The following PDCD4 variants were observed in gnomAD, a reference collection of about 807,000 sequenced individuals.
PDCD4 encodes the protein programmed cell death 4, also known as programmed cell death protein 4.
Under a neutral mutation model 54.0 loss-of-function variants are expected in PDCD4, and 56 were observed. That is an observed-to-expected ratio of 1.04 (90% confidence interval 0.84 to 1.30). The LOEUF (loss-of-function observed/expected upper bound fraction) is 1.30. PDCD4 is among the 50% of genes most tolerant of loss of function. PDCD4 has a pLI of 0.00. For missense variants in PDCD4, 584 were observed against 559.8 expected, an observed-to-expected ratio of 1.04 and a Z score of -0.44; for synonymous variants, 186 against 194.8, an observed-to-expected ratio of 0.95 and a Z score of 0.37.
At chr10:110,877,890 A>G (rs1293703524) in intron 2 of PDCD4, among the ~76,000 whole-genome samples, 15 of 152,292 alleles carry the variant, frequency 9.8e-5, no homozygotes, top group Non-Finnish European at 1.6e-4. Flanking sequence ...ATTTAGTGAG[A>G]TATTGTATAT....
chr10:110,879,184 C>T (rs548332195), intron 2 of PDCD4, among the ~76,000 whole-genome samples: 4 of 152,286 alleles, frequency 2.6e-5, no homozygotes, highest in African/African-American at 9.6e-5. Flanking sequence ...ATTTTCTTAG[C>T]GGTTTCCTAC....
At chr10:110,893,061 A>G (rs1409823651) in intron 8 of PDCD4, among the ~76,000 whole-genome samples, 3 of 152,086 alleles carry the variant, frequency 2.0e-5, no homozygotes, top group African/African-American at 7.2e-5. Flanking sequence ...GGTGTGTAGT[A>G]GGCTATACCA....
At chr10:110,888,774 C>T (rs1375224465) in intron 6 of PDCD4, among the ~76,000 whole-genome samples, 1 of 151,920 alleles carries the variant, frequency 6.6e-6, no homozygotes, top group Non-Finnish European at 1.5e-5. Context: ...ATGTGTATAC[C>T]ATTTAACCAT....
At chr10:110,877,448 T>C (rs1442054451) in intron 2 of PDCD4, among the ~76,000 whole-genome samples, 2 of 152,252 alleles carry the variant, frequency 1.3e-5, no homozygotes, top group Admixed American at 6.5e-5. Context: ...TAATTTGTTA[T>C]ATTGCTTGCA....
intron 2 of PDCD4, among the ~76,000 whole-genome samples, chr10:110,879,928 A>G (rs1418901069): frequency 6.6e-6 from 1 of 152,236 alleles, no homozygotes; most frequent in Admixed American, 6.5e-5. Flanking sequence ...TTTGGTTTCA[A>G]CATGTCTTAA....
chr10:110,881,360 C>T lies in PDCD4; in HGVS notation c.171C>T (p.Ala57=). 1 of 1,614,052 alleles carries T rather than the reference C, an allele frequency of 6.2e-7. No homozygotes were observed. The highest frequency in any genetic ancestry group is 8.5e-7 in the Non-Finnish European group (1 of 1,180,004). The change falls in exon 3 of 12, where the codon GCC becomes GCT. Residue 57 remains alanine (A), a synonymous_variant. Coordinates refer to ENST00000280154, the MANE Select transcript of PDCD4 (RefSeq NM_014456.5). The part of the protein sequence containing the change: ...ASSINEARIN[A]KAKRRLRKNS... Reference sequence around the variant, plus strand: ...CCATTAACGAAGCTAGAATTAATGCCAAGGCAAAAAGGCGACTAAGGAAAA... The same window carrying T: ...CCATTAACGAAGCTAGAATTAATGCTAAGGCAAAAAGGCGACTAAGGAAAA...
intron 1 of PDCD4, among the ~76,000 whole-genome samples, chr10:110,872,429 C>G (rs974479319): frequency 2.0e-5 from 3 of 152,200 alleles, no homozygotes; most frequent in Non-Finnish European, 4.4e-5. Flanking sequence ...GGACTGAAAT[C>G]CTGTGAGGAA....
chr10:110,881,636 C>T, intron 3 of PDCD4, 101 bp downstream of exon 3: 2 of 946,740 alleles, frequency 2.1e-6, no homozygotes, highest in African/African-American at 1.6e-5. Flanking sequence ...GAGAGAGATT[C>T]AAAAAGTGAA....
chr10:110,883,422 T>C (rs1038205970), intron 4 of PDCD4, among the ~76,000 whole-genome samples: 3 of 152,224 alleles, frequency 2.0e-5, no homozygotes, highest in South Asian at 2.1e-4. Flanking sequence ...CTTTTAAATA[T>C]TACTGTTTAG....
In PDCD4 at chr10:110,890,775, C is replaced by T. The variant is rs917388331; in HGVS notation, c.990+105C>T. On this transcript the variant is annotated intron_variant, in intron 8 of 11. Transcript: ENST00000280154. ...TTTATGGACAAAAATTAAGTTCGGT[C>T]TTACAGCTGCAATTGGAAAATGAAA... 4 of 520,130 alleles carry T rather than the reference C, an allele frequency of 7.7e-6. No homozygotes were observed. In the African/African-American group the frequency reaches 7.8e-5, roughly 10 times the overall value. The allele number at this position is 520,130 out of a possible 1,614,324, so 32.2% of individuals were successfully genotyped here.
chr10:110,890,963 A>G, intron 8 of PDCD4: 1 of 210,648 alleles, frequency 4.7e-6, no homozygotes, highest in East Asian at 1.1e-4. Context: ...ATAATTTTCA[A>G]ATGCTGTTGA....
intron 1 of PDCD4, among the ~76,000 whole-genome samples, chr10:110,874,032 G>T (rs934518184): frequency 1.3e-5 from 2 of 152,146 alleles, no homozygotes; most frequent in African/African-American, 4.8e-5. Context: ...CTTCCTGTGG[G>T]ATATTAAAAT....
At chr10:110,877,263 G>T (rs1445712400) in intron 2 of PDCD4, among the ~76,000 whole-genome samples, 2 of 152,132 alleles carry the variant, frequency 1.3e-5, no homozygotes, top group African/African-American at 2.4e-5. Flanking sequence ...GCACTGTCCA[G>T]TATGGTGACC....
At chr10:110,874,493 A>G (rs944738591) in intron 1 of PDCD4, among the ~76,000 whole-genome samples, 1 of 152,172 alleles carries the variant, frequency 6.6e-6, no homozygotes, top group African/African-American at 2.4e-5. Flanking sequence ...TTTTGTTCAT[A>G]TATTTATATG....
chr10:110,881,962 C>T (rs985059956), intron 3 of PDCD4, among the ~76,000 whole-genome samples: 6 of 152,136 alleles, frequency 3.9e-5, no homozygotes, highest in African/African-American at 1.2e-4. Context: ...CTAGATCTCA[C>T]GGTGAGTTCT....
intron 4 of PDCD4, 138 bp from the exon 5 acceptor site, chr10:110,885,115 C>T (rs189865453): frequency 4.9e-4 from 247 of 499,058 alleles, no homozygotes; most frequent in African/African-American, 1.6e-4. Context: ...TTTTTATATG[C>T]GATCAATGTA....
chr10:110,881,309 AAATGGAAATT>A lies in PDCD4; in HGVS notation c.121_130del (p.Asn41GlyfsTer20). The A allele has an allele frequency of 6.2e-7, 1 of 1,613,360 alleles. No individual in the cohort carries two copies. The highest frequency in any genetic ancestry group is 8.5e-7 in the Non-Finnish European group (1 of 1,179,270). The stretch of plus-strand genomic sequence containing the variant: ...GGACTGAGGAAATAAAGAATGAAAT[AAATGGAAATT>A]GGATTTCAGCATCCTCCATTAACGA... On this transcript the variant is annotated frameshift_variant, in exon 3 of 12. Transcript: ENST00000280154. LOFTEE classifies it high-confidence loss of function.
chr10:110,876,061 A>C lies in PDCD4; in HGVS notation c.34A>C (p.Asn12His), dbSNP rs777831270. ...AGAAAATGAGCAGATACTGAATGTA[A>C]ACCCTGCAGGTAAGTAAGGATATCC... ...DVENEQILNV[N>H]PADPDNLSDS... Residue 12 changes from asparagine (N) to histidine (H), a missense_variant, in exon 2 of 12, where the codon AAC (asparagine) becomes CAC (histidine). Transcript: ENST00000280154. 1.6e-5 allele frequency: 25 copies of C among 1,610,292 alleles called. No individual in the cohort carries two copies. Among genetic ancestry groups the C allele is most frequent in the Admixed American group, 3.4e-5 (2 of 59,578 alleles).
At chr10:110,872,873 C>G (rs1845442308) in intron 1 of PDCD4, among the ~76,000 whole-genome samples, 1 of 152,192 alleles carries the variant, frequency 6.6e-6, no homozygotes, top group African/African-American at 2.4e-5. Flanking sequence ...AGCTTCAAAA[C>G]TGTCTGCAGA....
Sources: gnomAD v4.1 joint callset for allele counts (sites outside exome capture counted in the v4.1 genomes callset) on GRCh38, gnomAD v4.1.1 for gene constraint, MANE v1.5 for transcripts, NCBI Gene and HGNC (gene_info 2026-07-23, HGNC 2026-07-21) for gene names.